The following KIAA0319 variants were observed in gnomAD, a reference collection of about 807,000 sequenced individuals.
KIAA0319 encodes the protein KIAA0319.
In KIAA0319, 83 loss-of-function variants were observed where a neutral mutation model predicts 108.4. That is an observed-to-expected ratio of 0.77 (90% CI 0.64 to 0.92). The LOEUF is 0.92. Among genes scored for constraint, KIAA0319 ranks in the 40% least tolerant of loss-of-function variants. KIAA0319 has a pLI of 0.00. For synonymous variants in KIAA0319, 484 were observed against 510.4 expected, an observed-to-expected ratio of 0.95 and a Z score of 0.70; for missense variants, 1,195 against 1,322.4, an observed-to-expected ratio of 0.90 and a Z score of 1.49.
At position 24,601,176 on chromosome 6, in the gene KIAA0319, ATGTTTTTT is replaced by A; in HGVS notation, c.-81_-74del. 1 of 1,581,190 alleles carries A rather than the reference ATGTTTTTT, an allele frequency of 6.3e-7. No individual in the cohort carries two copies. Among genetic ancestry groups the A allele is most frequent in the Non-Finnish European group, 8.6e-7 (1 of 1,163,322 alleles). ...GAGAGTTTGGTGCAAGCTTCCTTTGATGTTTTTTAGGAGCCAGATTTGGCCTCAAGAAC... is the reference window on the plus strand; with the variant it reads ...GAGAGTTTGGTGCAAGCTTCCTTTGAAGGAGCCAGATTTGGCCTCAAGAAC... On this transcript the variant is annotated 5_prime_UTR_variant, in exon 2 of 21. An upstream open reading frame in the 5' UTR loses its in-frame stop. Transcript: ENST00000378214.
chr6:24,576,042 G>A (rs1765443578), intron 10 of KIAA0319, among the ~76,000 whole-genome samples: 1 of 152,118 alleles, frequency 6.6e-6, no homozygotes, highest in African/African-American at 2.4e-5. Flanking sequence ...TGATAATCAG[G>A]TTTAGATTAG....
At chr6:24,589,585 G>C (rs944024425) in intron 3 of KIAA0319, among the ~76,000 whole-genome samples, 1 of 152,156 alleles carries the variant, frequency 6.6e-6, no homozygotes, top group African/African-American at 2.4e-5. Flanking sequence ...TAAGCATCTG[G>C]CATTTCCCCT....
rs949466232 is a variant in KIAA0319, at chr6:24,569,809, C to A, written c.1991+94G>T. The A allele has an allele frequency of 1.6e-5, 24 of 1,457,380 alleles. No individual in the cohort carries two copies. The Admixed American group carries it at 2.3e-4, about 14-fold the overall frequency. 90.3% of individuals were successfully genotyped at this position (1,457,380 alleles called of 1,614,324 possible). The stretch of plus-strand genomic sequence containing the variant: ...GCTTAAATCCCGACTCCTCAAAATG[C>A]GCAAGCTGATTGTTTACTACAGATC... On this transcript the variant is annotated intron_variant, in intron 12 of 20. Coordinates refer to ENST00000378214, the MANE Select transcript of KIAA0319 (RefSeq NM_014809.4).
chr6:24,632,437 G>A (rs1775700124), intron 1 of KIAA0319, among the ~76,000 whole-genome samples: 1 of 152,172 alleles, frequency 6.6e-6, no homozygotes, highest in Non-Finnish European at 1.5e-5. Flanking sequence ...AAGTATCAAT[G>A]AGTAAGGAAT....
At chr6:24,556,432 G>T (rs949057406) in intron 18 of KIAA0319, among the ~76,000 whole-genome samples, 175 bp downstream of exon 18, 3 of 152,152 alleles carry the variant, frequency 2.0e-5, no homozygotes, top group African/African-American at 7.2e-5. Context: ...CTCCTGAGTA[G>T]CAGAGACTAC....
At chr6:24,619,133 G>C (rs769505055) in intron 1 of KIAA0319, among the ~76,000 whole-genome samples, 1 of 152,180 alleles carries the variant, frequency 6.6e-6, no homozygotes, top group African/African-American at 2.4e-5. Flanking sequence ...AGGTCAGGGT[G>C]GGGGACAATG....
At chr6:24,643,571 T>A (rs984329285) in intron 1 of KIAA0319, among the ~76,000 whole-genome samples, 5 of 152,218 alleles carry the variant, frequency 3.3e-5, no homozygotes, top group Non-Finnish European at 5.9e-5. Context: ...TTATTATTGT[T>A]GCTGTTATAA....
chr6:24,619,632 G>A (rs1204540930), intron 1 of KIAA0319, among the ~76,000 whole-genome samples: 2 of 152,136 alleles, frequency 1.3e-5, no homozygotes, highest in Non-Finnish European at 2.9e-5. Flanking sequence ...ACCACCAAGA[G>A]AGTGAGTGAC....
chr6:24,547,260 T>C lies in KIAA0319; in HGVS notation c.3124A>G (p.Ser1042Gly). The change falls in exon 21 of 21, where the codon AGC becomes GGC. Residue 1042 changes from serine (S) to glycine (G), a missense_variant. Transcript: ENST00000378214. ...TTCCCTCTCTCCATCTTTTCTCGGC[T>C]GAAGATTGTGTCCTGGTCACTGTCA... ...EFDSDQDTIF[S>G]REKMERGNPK... The C allele has an allele frequency of 6.2e-7, 1 of 1,614,182 alleles. No homozygotes were observed. The highest frequency in any genetic ancestry group is 8.5e-7 in the Non-Finnish European group (1 of 1,180,002).
At chr6:24,597,783 T>C (rs188555606) in intron 2 of KIAA0319, among the ~76,000 whole-genome samples, 192 of 152,042 alleles carry the variant, frequency 1.3e-3, no homozygotes, top group African/African-American at 4.5e-3. Flanking sequence ...CTGAGTGTGA[T>C]GGTTCACACC....
At chr6:24,604,829 C>T (rs9358773) in intron 1 of KIAA0319, among the ~76,000 whole-genome samples, 132,122 of 152,204 alleles carry the variant, frequency 0.87, 57,473 homozygotes, top group East Asian at 0.98. Context: ...AAGTGTTGCT[C>T]TTTTGTTTTT....
chr6:24,575,821 A>G (rs1561971249), intron 10 of KIAA0319, among the ~76,000 whole-genome samples: 1 of 152,140 alleles, frequency 6.6e-6, no homozygotes, highest in African/African-American at 2.4e-5. Flanking sequence ...AAAAACAAAT[A>G]GCTTTGCCAA....
intron 1 of KIAA0319, among the ~76,000 whole-genome samples, chr6:24,601,674 A>G (rs1264903780): frequency 2.0e-5 from 3 of 152,214 alleles, no homozygotes; most frequent in Non-Finnish European, 4.4e-5. Context: ...GTTAGGAGGC[A>G]TGTTTGGCTT....
intron 3 of KIAA0319, among the ~76,000 whole-genome samples, chr6:24,593,057 G>A (rs1768767329): frequency 6.6e-6 from 1 of 152,104 alleles, no homozygotes; most frequent in Admixed American, 6.5e-5. Context: ...AGTCATTCTT[G>A]TATTTGAGCT....
chr6:24,580,454 C>T (rs2127482487), intron 7 of KIAA0319, among the ~76,000 whole-genome samples: 1 of 152,260 alleles, frequency 6.6e-6, no homozygotes. Context: ...AGGCTGAAAG[C>T]CAGCCCATGT....
At chr6:24,574,587 C>G (rs1765200803) in intron 10 of KIAA0319, among the ~76,000 whole-genome samples, 1 of 151,862 alleles carries the variant, frequency 6.6e-6, no homozygotes, top group Non-Finnish European at 1.5e-5. Context: ...TCAATTATTG[C>G]TTATGTTTGA....
intron 8 of KIAA0319, 42 bp from the exon 9 acceptor site, chr6:24,578,284 G>C (rs189834905): frequency 6.9e-7 from 1 of 1,452,404 alleles, no homozygotes; most frequent in African/African-American, 1.4e-5. Flanking sequence ...AATACAAGAA[G>C]AGGAAGACAT....
intron 16 of KIAA0319, among the ~76,000 whole-genome samples, chr6:24,559,668 C>A (rs1053467911): frequency 6.8e-6 from 1 of 147,802 alleles, no homozygotes; most frequent in Non-Finnish European, 1.5e-5. Flanking sequence ...GACAAATATA[C>A]ACAAAATAAC....
downstream of KIAA0319, among the ~76,000 whole-genome samples, chr6:24,543,412 G>A (rs1369490157): frequency 2.6e-5 from 4 of 152,164 alleles, no homozygotes; most frequent in Admixed American, 2.0e-4. Flanking sequence ...TTTACTGTAA[G>A]TGAATTATAC....
Sources: gnomAD v4.1 joint callset for allele counts (sites outside exome capture counted in the v4.1 genomes callset) on GRCh38, gnomAD v4.1.1 for gene constraint, MANE v1.5 for transcripts, NCBI Gene and HGNC (gene_info 2026-07-23, HGNC 2026-07-21) for gene names.